SNX6: variants seen among roughly 807,000 people sequenced by gnomAD.
SNX6 encodes the protein sorting nexin-6.
Under a neutral mutation model 63.0 loss-of-function variants are expected in SNX6, and 34 were observed. The observed-to-expected ratio is 0.54, with a 90% CI of 0.41 to 0.72. SNX6 has a LOEUF of 0.72. SNX6 is among the 30% of genes least tolerant of loss of function. The pLI, the probability that SNX6 is intolerant of heterozygous loss-of-function variation, is 0.00. For synonymous variants in SNX6, 170 were observed against 164.2 expected (o/e 1.04, Z -0.27); for missense variants, 398 against 471.4 (o/e 0.84, Z 1.44).
At chr14:34,575,059 T>TA (rs1881633805) in intron 11 of SNX6, among the ~76,000 whole-genome samples, 1 of 150,004 alleles carries the variant, frequency 6.7e-6, no homozygotes. Flanking sequence ...GCCCGGCTAA[T>TA]TTTTGTATTT....
At chr14:34,584,686 T>C (rs1156764513) in intron 9 of SNX6, among the ~76,000 whole-genome samples, 1 of 152,012 alleles carries the variant, frequency 6.6e-6, no homozygotes, top group Non-Finnish European at 1.5e-5. Context: ...AATTCGGTTC[T>C]TCCACTCTCT....
At chr14:34,595,812 CTT>C in intron 7 of SNX6, among the ~76,000 whole-genome samples, 1 of 152,100 alleles carries the variant, frequency 6.6e-6, no homozygotes, top group South Asian at 2.1e-4. Flanking sequence ...AAGCAGCATT[CTT>C]TTTTTTCCTA....
chr14:34,593,959 G>A (rs927417127), intron 7 of SNX6, among the ~76,000 whole-genome samples: 2 of 151,948 alleles, frequency 1.3e-5, no homozygotes, highest in African/African-American at 2.4e-5. Context: ...CAAGTGATCC[G>A]CGCGCCTCGG....
chr14:34,576,307 T>G (rs1400275853), intron 10 of SNX6, among the ~76,000 whole-genome samples: 1 of 152,002 alleles, frequency 6.6e-6, no homozygotes, highest in East Asian at 1.9e-4. Context: ...AACTATAGTA[T>G]CCATTCCTAT....
intron 13 of SNX6, among the ~76,000 whole-genome samples, chr14:34,563,393 C>A (rs563332997): frequency 1.1e-4 from 17 of 152,062 alleles, no homozygotes; most frequent in Admixed American, 9.8e-4. Flanking sequence ...CCCATCTCTA[C>A]TAAAAAATAC....
At chr14:34,611,638 T>C (rs1403600967) in intron 2 of SNX6, among the ~76,000 whole-genome samples, 9 of 142,114 alleles carry the variant, frequency 6.3e-5, no homozygotes, top group African/African-American at 2.1e-4. Context: ...CAAAATTAGC[T>C]GGGCATAGTG....
intron 2 of SNX6, among the ~76,000 whole-genome samples, chr14:34,616,858 G>A (rs947753455): frequency 2.0e-5 from 3 of 151,998 alleles, no homozygotes; most frequent in African/African-American, 7.2e-5. Flanking sequence ...GGATCACAAA[G>A]TCAGGAATTT....
chr14:34,581,247 G>A (rs1417133242), intron 10 of SNX6, among the ~76,000 whole-genome samples: 1 of 152,140 alleles, frequency 6.6e-6, no homozygotes, highest in Non-Finnish European at 1.5e-5. Context: ...TTGGCCTCCC[G>A]GGTTCAAGCG....
At chr14:34,610,214 C>T (rs940893809) in intron 2 of SNX6, among the ~76,000 whole-genome samples, 1 of 150,892 alleles carries the variant, frequency 6.6e-6, no homozygotes, top group African/African-American at 2.5e-5. Context: ...AAGAAAATAG[C>T]CAGATATGGT....
At chr14:34,568,973 A>G in intron 11 of SNX6, 1 of 1,424,678 alleles carries the variant, frequency 7.0e-7, no homozygotes, top group Non-Finnish European at 9.9e-7. Flanking sequence ...GTGTACAACC[A>G]GTTCTCATCG....
intron 2 of SNX6, among the ~76,000 whole-genome samples, chr14:34,611,848 G>A (rs1017446827): frequency 6.6e-6 from 1 of 150,784 alleles, no homozygotes; most frequent in Non-Finnish European, 1.5e-5. Flanking sequence ...GCACAATCTC[G>A]GCTCACTGCA....
chr14:34,581,704 T>C (rs555604773), intron 9 of SNX6, 104 bp from the exon 10 acceptor site: 41 of 630,356 alleles, frequency 6.5e-5, no homozygotes, highest in Middle Eastern at 3.3e-4. Flanking sequence ...CCTTGTCTCA[T>C]TGCAGTTATA....
chr14:34,569,037 G>A (rs1594692426), intron 11 of SNX6: 6 of 1,432,700 alleles, frequency 4.2e-6, no homozygotes, highest in South Asian at 1.1e-5. Context: ...CCACCCATTC[G>A]GGGACTTTCA....
At chr14:34,609,938 A>G (rs1883161662) in intron 2 of SNX6, among the ~76,000 whole-genome samples, 196 bp from the exon 3 acceptor site, 1 of 152,212 alleles carries the variant, frequency 6.6e-6, no homozygotes, top group Non-Finnish European at 1.5e-5. Flanking sequence ...TTAATTCTAT[A>G]GTATTCAATT....
intron 2 of SNX6, 92 bp downstream of exon 2, chr14:34,629,815 C>T: frequency 6.6e-7 from 1 of 1,518,396 alleles, no homozygotes; most frequent in Non-Finnish European, 8.8e-7. Context: ...GAGTGCCGCG[C>T]GGCTGGGGAC....
At chr14:34,574,419 G>A (rs1274962111) in intron 11 of SNX6, among the ~76,000 whole-genome samples, 1 of 149,860 alleles carries the variant, frequency 6.7e-6, no homozygotes, top group African/African-American at 2.4e-5. Context: ...GGAGGCCAAG[G>A]CATGCAGATC....
At chr14:34,620,439 C>T (rs534705751) in intron 2 of SNX6, among the ~76,000 whole-genome samples, 87 of 152,024 alleles carry the variant, frequency 5.7e-4, no homozygotes, top group African/African-American at 2.0e-3. Context: ...TGTGATGGTG[C>T]CACTACATGC....
intron 11 of SNX6, among the ~76,000 whole-genome samples, chr14:34,571,003 G>A (rs551446740): frequency 1.6e-4 from 24 of 151,706 alleles, no homozygotes; most frequent in Middle Eastern, 3.4e-3. Flanking sequence ...GATTACAGAC[G>A]TCAGCCACCG....
intron 11 of SNX6, among the ~76,000 whole-genome samples, chr14:34,575,349 C>A (rs1183750778): frequency 6.6e-6 from 1 of 151,950 alleles, no homozygotes; most frequent in Non-Finnish European, 1.5e-5. Flanking sequence ...TACAGGCACC[C>A]GCCACCATGC....
Sources: allele counts gnomAD v4.1 joint callset (sites outside exome capture counted in the v4.1 genomes callset), GRCh38; gene constraint gnomAD v4.1.1; transcripts MANE v1.5; gene names NCBI Gene and HGNC (gene_info 2026-07-23, HGNC 2026-07-21).